HDHD2: variants seen among roughly 807,000 people sequenced by gnomAD.
HDHD2 encodes the protein haloacid dehalogenase like hydrolase domain containing 2.
A neutral mutation model predicts 24.8 loss-of-function variants in HDHD2; 26 were observed. The observed-to-expected ratio is 1.05, with a 90% CI of 0.77 to 1.45. The LOEUF is 1.45. HDHD2 is among the 40% of genes most tolerant of loss of function. The pLI is 0.00. For synonymous variants in HDHD2, 128 were observed against 114.9 expected (o/e 1.11, Z -0.73); for missense variants, 299 against 313.4 (o/e 0.95, Z 0.35).
chr18:47,130,272 GA>G lies in HDHD2; in HGVS notation c.366del (p.His123IlefsTer5). ...AATGCTTGATTCAGAATTTGATAAT[GA>G]AAATGTTCTGGTGCCAATCCCATGA... ...AVVMGLAPEH[F>X]HYQILNQAFR... On this transcript the variant is annotated frameshift_variant, in exon 4 of 7. Transcript: ENST00000300605. LOFTEE classifies it high-confidence loss of function. The G allele has an allele frequency of 6.2e-7, 1 of 1,606,314 alleles. No homozygotes were observed. Among genetic ancestry groups the G allele is most frequent in the Non-Finnish European group, 8.5e-7 (1 of 1,174,246 alleles).
At chr18:47,116,272 C>T (rs2144291737) in intron 4 of HDHD2, among the ~76,000 whole-genome samples, 1 of 152,296 alleles carries the variant, frequency 6.6e-6, no homozygotes, top group South Asian at 2.1e-4. Flanking sequence ...TCTTAAACTG[C>T]TTTTAACCAA....
intron 4 of HDHD2, among the ~76,000 whole-genome samples, chr18:47,117,486 A>C (rs1282586343): frequency 6.6e-6 from 1 of 152,174 alleles, no homozygotes; most frequent in Admixed American, 6.6e-5. Flanking sequence ...CCACAGGATG[A>C]TGCAGCAAAA....
intron 1 of HDHD2, chr18:47,137,276 TTCCAGTAGCAGACGAGGTG>T: frequency 2.0e-6 from 1 of 500,274 alleles, no homozygotes; most frequent in Non-Finnish European, 3.7e-6. Context: ...AATGGATGTG[TTCCAGTAGCAGACGAGGTG>T]TCTAGCGAAA....
chr18:47,119,875 T>C (rs1210835489), intron 4 of HDHD2, among the ~76,000 whole-genome samples: 1 of 152,214 alleles, frequency 6.6e-6, no homozygotes, highest in Non-Finnish European at 1.5e-5. Flanking sequence ...ATGGGTGTTG[T>C]GTTAACAGGC....
intron 3 of HDHD2, among the ~76,000 whole-genome samples, chr18:47,130,773 T>C (rs941047680): frequency 1.3e-5 from 2 of 152,224 alleles, no homozygotes; most frequent in African/African-American, 2.4e-5. Flanking sequence ...TTAGACTTTC[T>C]AATTGACACA....
intron 5 of HDHD2, among the ~76,000 whole-genome samples, chr18:47,114,042 C>A (rs899951324): frequency 2.6e-5 from 4 of 152,122 alleles, no homozygotes; most frequent in Admixed American, 2.6e-4. Context: ...CCAGGGCCAG[C>A]AACTCCTGGG....
intron 4 of HDHD2, among the ~76,000 whole-genome samples, chr18:47,122,815 A>G (rs1359220538): frequency 6.6e-6 from 1 of 152,232 alleles, no homozygotes; most frequent in African/African-American, 2.4e-5. Context: ...TCCAAAGTGA[A>G]AGATGAAATG....
intron 4 of HDHD2, among the ~76,000 whole-genome samples, chr18:47,116,434 G>A (rs2063558547): frequency 6.6e-6 from 1 of 152,122 alleles, no homozygotes; most frequent in Admixed American, 6.5e-5. Flanking sequence ...AATTATTTTT[G>A]TCAGTGGGCA....
intron 4 of HDHD2, among the ~76,000 whole-genome samples, chr18:47,122,046 T>C (rs961435452): frequency 6.6e-5 from 10 of 152,190 alleles, no homozygotes; most frequent in African/African-American, 2.4e-4. Flanking sequence ...CCTATTGTGT[T>C]TGGTCTGTCT....
At chr18:47,129,066 T>G (rs937317539) in intron 4 of HDHD2, among the ~76,000 whole-genome samples, 2 of 152,178 alleles carry the variant, frequency 1.3e-5, no homozygotes, top group Admixed American at 6.5e-5. Context: ...AGAAAAATTT[T>G]CTAAGCTAGT....
chr18:47,148,854 A>G (rs963047344), intron 1 of HDHD2, among the ~76,000 whole-genome samples: 11 of 152,192 alleles, frequency 7.2e-5, no homozygotes, highest in Non-Finnish European at 2.9e-5. Context: ...ATTATTCCCT[A>G]CAATGCAACA....
At chr18:47,110,039 C>T (rs1038138929) in intron 6 of HDHD2, 2 of 985,336 alleles carry the variant, frequency 2.0e-6, no homozygotes, top group African/African-American at 1.7e-5. Context: ...CTCTGCCCTT[C>T]ACCTTTCTCC....
At chr18:47,139,693 G>T (rs1486675318) in intron 1 of HDHD2, among the ~76,000 whole-genome samples, 6 of 152,046 alleles carry the variant, frequency 3.9e-5, no homozygotes, top group Non-Finnish European at 8.8e-5. Context: ...TCAACCTGTG[G>T]GATCTGACAC....
intron 1 of HDHD2, among the ~76,000 whole-genome samples, chr18:47,146,353 G>C (rs1801551720): frequency 1.3e-5 from 2 of 152,076 alleles, no homozygotes; most frequent in Admixed American, 1.3e-4. Flanking sequence ...CCTACAGATG[G>C]GCAAAATTTA....
chr18:47,144,628 G>A (rs1023791912), intron 1 of HDHD2, among the ~76,000 whole-genome samples: 7 of 151,728 alleles, frequency 4.6e-5, no homozygotes, highest in Non-Finnish European at 8.8e-5. Flanking sequence ...AAACAGCAAA[G>A]AAATCCCATA....
At chr18:47,110,983 T>C (rs2063511407) in intron 6 of HDHD2, 1 of 985,028 alleles carries the variant, frequency 1.0e-6, no homozygotes, top group African/African-American at 1.7e-5. Context: ...TGAATTAAAA[T>C]ATTTACGGTT....
chr18:47,120,934 C>A (rs982169302), intron 4 of HDHD2, among the ~76,000 whole-genome samples: 5 of 152,068 alleles, frequency 3.3e-5, no homozygotes, highest in Admixed American at 2.6e-4. Context: ...AAAACAATTA[C>A]AACAGTAACA....
intron 3 of HDHD2, among the ~76,000 whole-genome samples, chr18:47,131,519 A>G (rs1336978143): frequency 6.6e-6 from 1 of 152,208 alleles, no homozygotes; most frequent in Non-Finnish European, 1.5e-5. Context: ...TTGACAGTAG[A>G]TACCACAGTC....
At position 47,144,140 on chromosome 18, in the gene HDHD2, A is replaced by G. The variant is rs569668385; in HGVS notation, c.-11+6238T>C. ...GTGCAAGGAAAAAAAGAATTGTTAG[A>G]TCTGAATAAAAGCAAGAAACTCAGG... On this transcript the variant is annotated intron_variant, in intron 1 of 6. Coordinates refer to ENST00000300605, the MANE Select transcript of HDHD2 (RefSeq NM_032124.5). 1.2e-4 allele frequency among the ~76,000 whole-genome samples: 18 copies of G among 152,258 alleles called. No individual in the cohort carries two copies. In the East Asian group the frequency reaches 3.1e-3, roughly 26 times the overall value.
Sources: allele counts gnomAD v4.1 joint callset (sites outside exome capture counted in the v4.1 genomes callset), GRCh38; gene constraint gnomAD v4.1.1; transcripts MANE v1.5; gene names NCBI Gene and HGNC (gene_info 2026-07-23, HGNC 2026-07-21).